The following REPS2 variants were observed in gnomAD, a reference collection of about 807,000 sequenced individuals.
The protein encoded by REPS2 is ralBP1-associated Eps domain-containing protein 2.
Under a neutral mutation model 53.6 loss-of-function variants are expected in REPS2, and 23 were observed. The ratio of observed to expected loss-of-function variants is 0.43; its 90% CI spans 0.31 to 0.61. The LOEUF (loss-of-function observed/expected upper bound fraction) is 0.61, where lower values mean the gene tolerates loss of function less well. REPS2 is among the 20% of genes least tolerant of loss of function. The pLI is 0.11. For missense variants in REPS2, 446 were observed against 534.9 expected (o/e 0.83, Z 1.64); for synonymous variants, 238 against 218.6 (o/e 1.09, Z -0.78).
At position 16,988,933 on chromosome X, in the gene REPS2, AT is replaced by A. The variant is rs776605594; in HGVS notation, c.274-17281del. ...TAATTCCTGTCAAAATCTTAGTAAG[AT>A]TTTTTTGTAGATATAATTATAAAAT... On this transcript the variant is annotated intron_variant, in intron 1 of 17. Transcript: ENST00000357277. 5.4e-3 allele frequency among the ~76,000 whole-genome samples: 601 copies of A among 111,876 alleles called. 5 individuals carry two copies. The highest frequency in any genetic ancestry group is 0.019 in the African/African-American group (576 of 30,871).
Position 17,099,745 on chromosome X carries a change from C to G in REPS2, c.1517-3973C>G. 4 of 530,972 alleles carry G rather than the reference C, an allele frequency of 7.5e-6. No homozygotes were observed. The Admixed American group carries it at 9.8e-5, about 13-fold the overall frequency. 43.8% of individuals were successfully genotyped at this position (530,972 alleles called of 1,213,427 possible). ...TTCCTTCCCACCTGAAACCCACAGT[C>G]AGATGTGATAGAGGCTGGTACTCAG... On this transcript the variant is annotated intron_variant, in intron 13 of 17. Coordinates refer to ENST00000357277, the MANE Select transcript of REPS2 (RefSeq NM_004726.3).
At chrX:17,192,543 A>G in the REPS2 span, among the ~76,000 whole-genome samples, 5 of 111,838 alleles carry the variant, frequency 4.5e-5, no homozygotes, top group Non-Finnish European at 7.5e-5. Flanking sequence ...GGACAGGAAA[A>G]AAGGGTGGCC....
At chrX:17,155,288 C>A (rs778425914), downstream of REPS2, among the ~76,000 whole-genome samples, 268 of 110,989 alleles carry the variant, frequency 2.4e-3, 1 homozygote, top group Non-Finnish European at 4.5e-3. Flanking sequence ...TCAGGTCTCT[C>A]TGCTGCTGCT....
intron 1 of REPS2, chrX:16,978,458 C>A: frequency 5.7e-6 from 2 of 348,932 alleles, no homozygotes; most frequent in Non-Finnish European, 7.4e-6. Context: ...TTCTGTCAGC[C>A]TTGGCTGGTT....
Position 17,068,391 on chromosome X carries a change from C to G in REPS2, c.1210-11C>G. The G allele has an allele frequency of 8.4e-7, 1 of 1,185,609 alleles. No homozygotes were observed. The highest frequency in any genetic ancestry group is 1.1e-6 in the Non-Finnish European group (1 of 875,127). On this transcript the variant is annotated splice_polypyrimidine_tract_variant and intron_variant, in intron 9 of 17. Transcript: ENST00000357277. The stretch of plus-strand genomic sequence containing the variant: ...CAACCAGTTTAATTCATTTACTTTT[C>G]TTTTTCAAAGAAGACATCTGTTAAA...
At chrX:16,991,645 G>C (rs1381585691) in intron 1 of REPS2, among the ~76,000 whole-genome samples, 1 of 110,804 alleles carries the variant, frequency 9.0e-6, no homozygotes, top group East Asian at 2.8e-4. Context: ...TACCGGAGTA[G>C]GGTGGGCTCC....
intron 12 of REPS2, among the ~76,000 whole-genome samples, chrX:17,075,737 A>T (rs921766419): frequency 2.2e-4 from 25 of 112,564 alleles, no homozygotes; most frequent in Non-Finnish European, 9.4e-5. Flanking sequence ...GAAAATGAGG[A>T]ATGTGCGCTG....
chrX:17,114,114 T>A (rs2063014268), intron 14 of REPS2, among the ~76,000 whole-genome samples: 1 of 111,605 alleles, frequency 9.0e-6, no homozygotes, highest in African/African-American at 3.3e-5. Flanking sequence ...ATGGTAAGGT[T>A]TTCTCATCTC....
chrX:16,963,679 A>C (rs2060694516), intron 1 of REPS2, among the ~76,000 whole-genome samples: 2 of 112,430 alleles, frequency 1.8e-5, no homozygotes, highest in South Asian at 7.3e-4. Context: ...TGTAATAAGT[A>C]AACGACTTCT....
At chrX:16,951,005 C>T (rs1602479039) in intron 1 of REPS2, among the ~76,000 whole-genome samples, 1 of 112,072 alleles carries the variant, frequency 8.9e-6, no homozygotes, top group East Asian at 2.8e-4. Flanking sequence ...ATGATCGCAC[C>T]ATTGCTCTCC....
chrX:16,946,979 G>A lies in REPS2; in HGVS notation c.118G>A (p.Glu40Lys). ...CGAGGGCGAGCAGCAGTGCTACTCC[G>A]AGCTCTTCGCGCGCTGTGCCGGCGC... ...LSEGEQQCYS[E>K]LFARCAGAAG... is the part of the protein sequence containing the mutation. Residue 40 changes from glutamate (E) to lysine (K), a missense_variant, in exon 1 of 18, where the codon GAG (glutamate) becomes AAG (lysine). Coordinates refer to ENST00000357277, the MANE Select transcript of REPS2 (RefSeq NM_004726.3). 1.1e-6 allele frequency: 1 copy of A among 923,008 alleles called. No homozygotes were observed. Among genetic ancestry groups the A allele is most frequent in the Non-Finnish European group, 1.3e-6 (1 of 747,932 alleles). The allele number at this position is 923,008 out of a possible 1,213,427, so 76.1% of individuals were successfully genotyped here.
At chrX:16,969,326 C>T (rs1311423769) in intron 1 of REPS2, among the ~76,000 whole-genome samples, 5 of 111,820 alleles carry the variant, frequency 4.5e-5, no homozygotes, top group African/African-American at 6.5e-5. Context: ...GACGGGGTGG[C>T]GGCCGGGCAG....
At chrX:16,955,360 A>C (rs776682586) in intron 1 of REPS2, among the ~76,000 whole-genome samples, 1 of 111,449 alleles carries the variant, frequency 9.0e-6, no homozygotes, top group Admixed American at 9.6e-5. Context: ...TTGCTGCATT[A>C]GTTATCTATT....
chrX:17,056,928 A>G (rs1462248200), intron 8 of REPS2, among the ~76,000 whole-genome samples: 1 of 112,065 alleles, frequency 8.9e-6, no homozygotes, highest in Non-Finnish European at 1.9e-5. Context: ...AGTCATGGTG[A>G]GTATAACATA....
rs1202635066 is a variant in REPS2, at chrX:17,150,005, A to T, written c.*2524A>T. ...TATCTATGCCTACCTTCTTGGGTGG[A>T]CTCAACTGTAACCACAGTTTATTAG... On this transcript the variant is annotated 3_prime_UTR_variant, in exon 18 of 18. Transcript: ENST00000357277. The T allele has an allele frequency of 2.7e-5, 3 of 111,914 alleles. No individual in the cohort carries two copies. The highest frequency in any genetic ancestry group is 9.8e-5 in the African/African-American group (3 of 30,709). The allele number at this position is 111,914 out of a possible 1,213,427, so 9.2% of individuals were successfully genotyped here.
At chrX:17,050,345 A>G (rs1026483689) in intron 6 of REPS2, among the ~76,000 whole-genome samples, 2 of 103,892 alleles carry the variant, frequency 1.9e-5, no homozygotes, top group Non-Finnish European at 1.9e-5. Context: ...GCACATCACT[A>G]TGCCTTGCCT....
intron 13 of REPS2, among the ~76,000 whole-genome samples, chrX:17,101,327 G>A (rs2062798207): frequency 9.0e-6 from 1 of 110,745 alleles, no homozygotes; most frequent in Non-Finnish European, 1.9e-5. Context: ...CTCCCAAAGT[G>A]CTGGGATTAC....
At position 17,103,785 on chromosome X, in the gene REPS2, A is replaced by G; in HGVS notation, c.1578+6A>G. The G allele has an allele frequency of 8.3e-7, 1 of 1,204,929 alleles. No homozygotes were observed. Among genetic ancestry groups the G allele is most frequent in the Admixed American group, 2.2e-5 (1 of 45,957 alleles). On this transcript the variant is annotated splice_donor_region_variant and intron_variant, in intron 14 of 17. Transcript: ENST00000357277. ...CAAGACCTTGTCCATCACAGGTAGG[A>G]GACATATTTGATTTATGTAAACTGT...
intron 13 of REPS2, among the ~76,000 whole-genome samples, chrX:17,094,085 C>G (rs1159406291): frequency 8.9e-6 from 1 of 111,769 alleles, no homozygotes; most frequent in Non-Finnish European, 1.9e-5. Flanking sequence ...CTTTCTCTTT[C>G]TTTGTTTACT....
Sources: gnomAD v4.1 joint callset for allele counts (sites outside exome capture counted in the v4.1 genomes callset) on GRCh38, gnomAD v4.1.1 for gene constraint, MANE v1.5 for transcripts, NCBI Gene and HGNC (gene_info 2026-07-23, HGNC 2026-07-21) for gene names.